The following GINS3 variants were observed in gnomAD, a reference collection of about 807,000 sequenced individuals.
The protein encoded by GINS3 is DNA replication complex GINS protein PSF3.
GINS3 carries 18 observed loss-of-function variants against 20.0 expected under a neutral mutation model. The ratio of observed to expected loss-of-function variants is 0.90; its 90% CI spans 0.62 to 1.33. The LOEUF is 1.33. Among genes scored for constraint, GINS3 ranks in the 40% most tolerant of loss-of-function variants. The probability of loss-of-function intolerance (pLI) is 0.00; values close to 1 mark genes in which losing one functional copy is unlikely to be tolerated. For synonymous variants in GINS3, 109 were observed against 107.0 expected, an observed-to-expected ratio of 1.02 and a Z score of -0.12; for missense variants, 254 against 273.6, an observed-to-expected ratio of 0.93 and a Z score of 0.51.
rs1399544746 is a variant in GINS3, at chr16:58,404,740, A to C, written c.*11A>C. 6.3e-7 allele frequency: 1 copy of C among 1,593,290 alleles called. No homozygotes were observed. The highest frequency in any genetic ancestry group is 1.3e-5 in the African/African-American group (1 of 74,514). ...GATATGGAAGACTGAAAGCCGGAAG[A>C]ACACAGAATGGCTCCTCACAGACGT... On this transcript the variant is annotated 3_prime_UTR_variant, in exon 3 of 3. Coordinates refer to ENST00000318129, the MANE Select transcript of GINS3 (RefSeq NM_022770.4).
In GINS3 at chr16:58,400,633, T is replaced by C. The variant is rs1352426279; in HGVS notation, c.187-2465T>C. Among the ~76,000 whole-genome samples, 3 of 152,256 alleles carry C rather than the reference T, an allele frequency of 2.0e-5. No individual in the cohort carries two copies. In the East Asian group the frequency reaches 5.8e-4, roughly 29 times the overall value. On this transcript the variant is annotated intron_variant, in intron 1 of 2. Coordinates refer to ENST00000318129, the MANE Select transcript of GINS3 (RefSeq NM_022770.4). ...GCTAAGATAGCAGCCTCAGGCCTACTGTGTATCTTTCCTGCATACTTTCTC... is the reference window on the plus strand; with the variant it reads ...GCTAAGATAGCAGCCTCAGGCCTACCGTGTATCTTTCCTGCATACTTTCTC...
intron 1 of GINS3, among the ~76,000 whole-genome samples, chr16:58,396,065 G>A (rs1267173251): frequency 2.8e-5 from 4 of 144,084 alleles, no homozygotes; most frequent in South Asian, 2.3e-4. Flanking sequence ...CCTCCCGGAC[G>A]GGGCGGCTGG....
intron 1 of GINS3, among the ~76,000 whole-genome samples, chr16:58,400,878 G>A (rs1199284176): frequency 6.9e-6 from 1 of 144,858 alleles, no homozygotes; most frequent in Admixed American, 6.9e-5. Context: ...ACAATGGTGT[G>A]ATCTCGGCTC....
At chr16:58,395,272 C>CTTT in intron 1 of GINS3, 12 of 228,332 alleles carry the variant, frequency 5.3e-5, no homozygotes, top group Non-Finnish European at 7.6e-5. Context: ...TCTAAATTTT[C>CTTT]TTTTTTTTTT....
Position 58,392,714 on chromosome 16 carries a change from C to G in GINS3, c.113C>G (p.Thr38Ser). The G allele has an allele frequency of 6.2e-7, 1 of 1,614,220 alleles. No homozygotes were observed. The highest frequency in any genetic ancestry group is 8.5e-7 in the Non-Finnish European group (1 of 1,180,040). The change falls in exon 1 of 3, where the codon ACC becomes AGC. Residue 38 changes from threonine to serine, a missense_variant. Transcript: ENST00000318129. ...GAGAAGCTGCCGGTGCGCACGGAGACCGCCATGCCTCGCCTTGGCGCTTTC... is the reference window on the plus strand; with the variant it reads ...GAGAAGCTGCCGGTGCGCACGGAGAGCGCCATGCCTCGCCTTGGCGCTTTC... ...SHEKLPVRTE[T>S]AMPRLGAFFL...
intron 1 of GINS3, among the ~76,000 whole-genome samples, chr16:58,399,275 G>C (rs1438523526): frequency 2.0e-5 from 3 of 149,370 alleles, no homozygotes; most frequent in African/African-American, 7.5e-5. Flanking sequence ...TGACAGAACA[G>C]GACCCCCTCT....
intron 1 of GINS3, among the ~76,000 whole-genome samples, chr16:58,400,819 T>C (rs1289127342): frequency 6.6e-6 from 1 of 151,252 alleles, no homozygotes; most frequent in South Asian, 2.1e-4. Context: ...CTTTTTTTTT[T>C]TTTTTTCTTT....
intron 2 of GINS3, 83 bp downstream of exon 2, chr16:58,403,414 A>G (rs757724501): frequency 3.2e-5 from 34 of 1,056,690 alleles, no homozygotes; most frequent in Non-Finnish European, 4.1e-5. Flanking sequence ...AGGACAGTGT[A>G]TGACTTGTAA....
chr16:58,399,632 T>G (rs79803294), intron 1 of GINS3, among the ~76,000 whole-genome samples: 12,156 of 152,238 alleles, frequency 0.08, 751 homozygotes, highest in East Asian at 0.27. Flanking sequence ...ATATTTGTAT[T>G]CATTTTTACC....
At chr16:58,397,048 G>A (rs1184195059) in intron 1 of GINS3, among the ~76,000 whole-genome samples, 4 of 150,054 alleles carry the variant, frequency 2.7e-5, no homozygotes, top group East Asian at 2.0e-4. Context: ...CGGACAGGGC[G>A]GCTGGCCGGG....
intron 1 of GINS3, among the ~76,000 whole-genome samples, chr16:58,400,684 T>A (rs1442855616): frequency 6.6e-6 from 1 of 152,218 alleles, no homozygotes; most frequent in East Asian, 1.9e-4. Flanking sequence ...ATTTCACTTT[T>A]ACTTTTAAAG....
intron 1 of GINS3, among the ~76,000 whole-genome samples, chr16:58,402,770 A>G (rs1194206361): frequency 6.6e-6 from 1 of 151,734 alleles, no homozygotes; most frequent in East Asian, 1.9e-4. Flanking sequence ...TTGAATATTC[A>G]AAGAAAAAGG....
chr16:58,395,341 T>A (rs1321633748), intron 1 of GINS3: 72 of 205,212 alleles, frequency 3.5e-4, no homozygotes, highest in African/African-American at 5.5e-4. Context: ...ATATATATTT[T>A]TTTTTTAATT....
intron 1 of GINS3, among the ~76,000 whole-genome samples, chr16:58,401,134 G>A (rs8054945): frequency 0.048 from 7,300 of 152,054 alleles, 188 homozygotes; most frequent in African/African-American, 0.073. Flanking sequence ...CGCTGGTCTC[G>A]CTGACTTCAA....
intron 1 of GINS3, among the ~76,000 whole-genome samples, chr16:58,395,388 G>A (rs951767519): frequency 1.3e-5 from 2 of 148,936 alleles, no homozygotes; most frequent in Non-Finnish European, 3.0e-5. Flanking sequence ...GGGGGATTTG[G>A]CAGGGTCACA....
intron 1 of GINS3, among the ~76,000 whole-genome samples, chr16:58,397,769 T>C (rs1350596948): frequency 6.6e-6 from 1 of 152,036 alleles, no homozygotes; most frequent in African/African-American, 2.4e-5. Flanking sequence ...ACAGTCCAGC[T>C]TCGGCTCGGC....
intron 1 of GINS3, among the ~76,000 whole-genome samples, chr16:58,397,672 C>T (rs969413300): frequency 2.0e-5 from 3 of 152,138 alleles, no homozygotes; most frequent in African/African-American, 7.2e-5. Flanking sequence ...TCAGGCGTGG[C>T]GGCGCGCGCC....
chr16:58,404,296 A>T lies in GINS3; in HGVS notation c.421-203A>T, dbSNP rs552991886. 8.3e-5 allele frequency: 48 copies of T among 579,800 alleles called. No homozygotes were observed. The South Asian group carries it at 1.0e-3, about 12-fold the overall frequency. The allele number at this position is 579,800 out of a possible 1,614,324, so 35.9% of individuals were successfully genotyped here. On this transcript the variant is annotated intron_variant, in intron 2 of 2. Transcript: ENST00000318129. Reference sequence around the variant, plus strand: ...TCTTAACAACTTACTGGATTTTCATAACAATCCACTTCACAGATGAGGAAA... The same window carrying T: ...TCTTAACAACTTACTGGATTTTCATTACAATCCACTTCACAGATGAGGAAA...
chr16:58,401,168 G>T (rs62042605), intron 1 of GINS3, among the ~76,000 whole-genome samples: 1,983 of 152,138 alleles, frequency 0.013, 10 homozygotes, highest in Non-Finnish European at 0.021. Context: ...GACCCTTGTG[G>T]TGAGTGTTAC....
Sources: gnomAD v4.1 joint callset for allele counts (sites outside exome capture counted in the v4.1 genomes callset) on GRCh38, gnomAD v4.1.1 for gene constraint, MANE v1.5 for transcripts, NCBI Gene and HGNC (gene_info 2026-07-23, HGNC 2026-07-21) for gene names.